The following MYT1L variants were observed in gnomAD, a reference collection of about 807,000 sequenced individuals.
MYT1L encodes myelin transcription factor 1-like protein.
In MYT1L, 12 loss-of-function variants were observed where a neutral mutation model predicts 126.7. The observed-to-expected ratio is 0.09, with a 90% confidence interval of 0.06 to 0.15. The LOEUF (loss-of-function observed/expected upper bound fraction) is 0.15. Ranked by LOEUF, MYT1L falls within the 10% of genes least tolerant of loss-of-function variation. The probability of loss-of-function intolerance (pLI) is 1.00; values close to 1 mark genes in which losing one functional copy is unlikely to be tolerated. For synonymous variants in MYT1L, 541 were observed against 604.2 expected (o/e 0.90, Z 1.53); for missense variants, 979 against 1,585.2 (o/e 0.62, Z 6.49).
At chr2:2,112,460 A>G (rs976167497) in intron 3 of MYT1L, among the ~76,000 whole-genome samples, 1 of 152,220 alleles carries the variant, frequency 6.6e-6, no homozygotes, top group Admixed American at 6.5e-5. Flanking sequence ...AAGAGTTAAC[A>G]CAATTGTACT....
intron 2 of MYT1L, among the ~76,000 whole-genome samples, chr2:2,199,737 T>C (rs866225508): frequency 2.0e-5 from 3 of 152,184 alleles, no homozygotes; most frequent in Admixed American, 2.0e-4. Flanking sequence ...AGCTACCTTC[T>C]TCTCTCTGAA....
chr2:1,879,184 A>G (rs994596632), intron 18 of MYT1L, among the ~76,000 whole-genome samples: 9 of 152,134 alleles, frequency 5.9e-5, no homozygotes, highest in Non-Finnish European at 1.0e-4. Context: ...CCTGGGAGAG[A>G]ACGAGTCTCT....
intron 3 of MYT1L, among the ~76,000 whole-genome samples, chr2:2,103,774 C>G (rs2078402139): frequency 6.6e-6 from 1 of 152,218 alleles, no homozygotes; most frequent in Non-Finnish European, 1.5e-5. Context: ...TCACGAGAAA[C>G]AACAGCAAGA....
intron 3 of MYT1L, among the ~76,000 whole-genome samples, chr2:2,102,291 T>C (rs1575168426): frequency 6.6e-6 from 1 of 152,358 alleles, no homozygotes; most frequent in East Asian, 1.9e-4. Context: ...CAAACTGTTA[T>C]GAGAATTATA....
chr2:2,156,184 C>T (rs933050951), intron 3 of MYT1L, among the ~76,000 whole-genome samples: 5 of 152,094 alleles, frequency 3.3e-5, no homozygotes, highest in East Asian at 3.8e-4. Context: ...TGGAATATCC[C>T]GGCTGGGAAG....
chr2:1,966,454 T>C (rs11127298), intron 8 of MYT1L, among the ~76,000 whole-genome samples: 1 of 152,096 alleles, frequency 6.6e-6, no homozygotes, highest in East Asian at 1.9e-4. Flanking sequence ...TCCATTGATG[T>C]GGGTGTAAAC....
chr2:1,977,253 T>C (rs1463968011), intron 8 of MYT1L, among the ~76,000 whole-genome samples: 1 of 152,174 alleles, frequency 6.6e-6, no homozygotes, highest in Non-Finnish European at 1.5e-5. Flanking sequence ...CAGTGGCAAG[T>C]TTCCGAAGGA....
chr2:2,309,138 C>T (rs1386999194), intron 1 of MYT1L, among the ~76,000 whole-genome samples: 1 of 151,652 alleles, frequency 6.6e-6, no homozygotes, highest in East Asian at 1.9e-4. Flanking sequence ...TATACTCTAA[C>T]CATACTCTGC....
At chr2:2,266,735 G>C (rs1291554446) in intron 2 of MYT1L, among the ~76,000 whole-genome samples, 1 of 152,092 alleles carries the variant, frequency 6.6e-6, no homozygotes, top group African/African-American at 2.4e-5. Context: ...TTGAAACATG[G>C]GGGCAGTTTC....
chr2:2,063,243 A>C (rs2070768750), intron 3 of MYT1L, among the ~76,000 whole-genome samples: 2 of 152,174 alleles, frequency 1.3e-5, no homozygotes, highest in South Asian at 4.1e-4. Flanking sequence ...TCTGTGACTC[A>C]GACAAAGTCA....
At position 2,254,594 on chromosome 2, in the gene MYT1L, C is replaced by T. The variant is rs1346332918; in HGVS notation, c.-421+29810G>A. On this transcript the variant is annotated intron_variant, in intron 2 of 24. Transcript: ENST00000647738. The stretch of plus-strand genomic sequence containing the variant: ...TGTATGTTTCTTACAGCACTGGCTG[C>T]CACATAGATCAATAAATCTTAGCTA... Among the ~76,000 whole-genome samples, 3 of 152,172 alleles carry T rather than the reference C, an allele frequency of 2.0e-5. No individual in the cohort carries two copies. In the East Asian group the frequency reaches 5.8e-4, roughly 29 times the overall value.
chr2:1,877,797 T>TAAAAA (rs67706403), intron 18 of MYT1L, among the ~76,000 whole-genome samples: 45,181 of 149,920 alleles, frequency 0.3, 8,222 homozygotes, highest in African/African-American at 0.51. Flanking sequence ...TCCTAAATTG[T>TAAAAA]AGAAAAAAAA....
intron 24 of MYT1L, 89 bp downstream of exon 24, chr2:1,792,232 C>G: frequency 1.4e-6 from 2 of 1,443,468 alleles, no homozygotes; most frequent in Non-Finnish European, 1.8e-6. Flanking sequence ...GGCTGAAGAA[C>G]CATGAAAATA....
intron 1 of MYT1L, among the ~76,000 whole-genome samples, chr2:2,293,888 G>A (rs1573261504): frequency 6.6e-6 from 1 of 152,222 alleles, no homozygotes; most frequent in South Asian, 2.1e-4. Flanking sequence ...AAGAACGCCA[G>A]CCTGCTCCGT....
intron 13 of MYT1L, among the ~76,000 whole-genome samples, chr2:1,909,081 C>T (rs879811893): frequency 2.0e-5 from 3 of 152,048 alleles, no homozygotes; most frequent in Admixed American, 6.6e-5. Flanking sequence ...ATTGTTTGCC[C>T]AGTGATTTGC....
intron 2 of MYT1L, among the ~76,000 whole-genome samples, chr2:2,273,855 A>G (rs1201043818): frequency 1.3e-5 from 2 of 152,230 alleles, no homozygotes; most frequent in Admixed American, 6.5e-5. Flanking sequence ...TCCGCCCACA[A>G]AAAAAATTAT....
chr2:1,943,190 C>T lies in MYT1L; in HGVS notation c.297G>A (p.Met99Ile). The T allele has an allele frequency of 6.4e-7, 1 of 1,551,854 alleles. No homozygotes were observed. Among genetic ancestry groups the T allele is most frequent in the East Asian group, 2.4e-5 (1 of 40,928 alleles). ...ECDDSDGTED[M>I]DEKEEDEGEE... ...CCCCCTCATCCTCCTCCTTCTCATC[C>T]ATGTCCTCAGTCCCATCACTGTCGT... is the stretch of plus-strand genomic sequence containing the variant. The change falls in exon 9 of 25, where the codon ATG (methionine) becomes ATA (isoleucine). Residue 99 changes from methionine to isoleucine, a missense_variant. By Grantham distance (10) the Met-to-Ile change is conservative. This residue lies in a region of MYT1L where 111 missense variants were observed against 115.9 expected (regional missense o/e 0.96). Transcript: ENST00000647738. The surrounding 1 kb of genome is among the most constrained non-coding windows in gnomAD (Gnocchi z 4.4).
chr2:2,150,462 A>T (rs914423505), intron 3 of MYT1L, among the ~76,000 whole-genome samples: 8 of 152,216 alleles, frequency 5.3e-5, no homozygotes, highest in African/African-American at 1.7e-4. Context: ...AAAATAAGTC[A>T]GTGTTTAACT....
intron 18 of MYT1L, among the ~76,000 whole-genome samples, chr2:1,855,709 A>G (rs2043830598): frequency 6.6e-6 from 1 of 152,206 alleles, no homozygotes; most frequent in Admixed American, 6.5e-5. Flanking sequence ...CAAAGATACT[A>G]TTGCTAAAAA....
Sources: gnomAD v4.1 joint callset for allele counts (sites outside exome capture counted in the v4.1 genomes callset) on GRCh38, gnomAD v4.1.1 for gene constraint, gnomAD v4.1.1 regional missense constraint, Gnocchi (gnomAD v3.1) non-coding constraint, MANE v1.5 for transcripts, NCBI Gene and HGNC (gene_info 2026-07-23, HGNC 2026-07-21) for gene names.